LRRC49: variants seen among roughly 807,000 people sequenced by gnomAD.
The protein encoded by LRRC49 is leucine-rich repeat-containing protein 49.
LRRC49 carries 50 observed loss-of-function variants against 83.3 expected under a neutral mutation model. The observed-to-expected ratio is 0.60, with a 90% CI of 0.48 to 0.76. The LOEUF is 0.76. Among genes scored for constraint, LRRC49 ranks in the 30% least tolerant of loss-of-function variants. LRRC49 has a pLI of 0.00. For synonymous variants in LRRC49, 286 were observed against 283.3 expected (o/e 1.01, Z -0.10); for missense variants, 704 against 809.1 (o/e 0.87, Z 1.58).
chr15:71,035,952 C>G (rs771170123), intron 14 of LRRC49, among the ~76,000 whole-genome samples: 3 of 152,162 alleles, frequency 2.0e-5, no homozygotes, highest in Non-Finnish European at 2.9e-5. Flanking sequence ...AATTTACACT[C>G]CCACCAACAG....
chr15:70,891,581 G>A (rs992228421), upstream of LRRC49, among the ~76,000 whole-genome samples: 1 of 45,784 alleles, frequency 2.2e-5, no homozygotes, highest in Non-Finnish European at 4.5e-5. Flanking sequence ...GTGTGTGTGT[G>A]TGTGTGTGTG....
At chr15:70,866,114 G>GTATTTATTTATT (rs71880311) in intron 1 of LRRC49, among the ~76,000 whole-genome samples, 47 of 142,076 alleles carry the variant, frequency 3.3e-4, no homozygotes, top group African/African-American at 5.2e-4. Flanking sequence ...TACATGTAAA[G>GTATTTATTTATT]TATTTATTTA....
intron 8 of LRRC49, among the ~76,000 whole-genome samples, chr15:70,937,713 C>T (rs933902767): frequency 1.3e-5 from 2 of 152,128 alleles, no homozygotes; most frequent in Non-Finnish European, 2.9e-5. Flanking sequence ...ACCCAATCAT[C>T]CTGTACTATG....
At chr15:71,014,287 AG>A (rs974404308) in intron 14 of LRRC49, among the ~76,000 whole-genome samples, 4 of 152,188 alleles carry the variant, frequency 2.6e-5, no homozygotes, top group Admixed American at 2.6e-4. Flanking sequence ...TGTAAGTTAA[AG>A]TTTACTTTCT....
chr15:70,882,964 C>T, intron 2 of LRRC49: 1 of 1,573,184 alleles, frequency 6.4e-7, no homozygotes, highest in South Asian at 1.2e-5. Flanking sequence ...AGGATTTTAT[C>T]TTTCAAAAGT....
chr15:70,975,274 A>G lies in LRRC49; in HGVS notation c.922-4827A>G, dbSNP rs2037165831. On this transcript the variant is annotated intron_variant, in intron 9 of 15. Transcript: ENST00000260382. ...TCACCTGTTTTCACAACTATTCAAA[A>G]AAAGAGAGAACAGACACATGTTGAG... Among the ~76,000 whole-genome samples the G allele has an allele frequency of 3.3e-5, 5 of 152,330 alleles. No individual in the cohort carries two copies. The South Asian group carries it at 8.3e-4, about 25-fold the overall frequency.
In LRRC49 at chr15:70,900,976, G is replaced by C. The variant is rs377602787; in HGVS notation, c.248G>C (p.Arg83Pro). ...TTGTCATCATTTCCTATTCTTCAACGTTCTTCTGAAGAGAAAATTCTTTAC... is the reference window on the plus strand; with the variant it reads ...TTGTCATCATTTCCTATTCTTCAACCTTCTTCTGAAGAGAAAATTCTTTAC... Reference protein sequence around the residue: ...SSLSSFPILQRSSEEKILYSD... With the variant: ...SSLSSFPILQPSSEEKILYSD... Residue 83 changes from arginine to proline, a missense_variant, in exon 4 of 16, where the codon CGT becomes CCT. This residue lies in a region of LRRC49 where 261 missense variants were observed against 330.5 expected (regional missense o/e 0.79). Transcript: ENST00000260382. 5 of 1,610,812 alleles carry C rather than the reference G, an allele frequency of 3.1e-6. No individual in the cohort carries two copies. Among genetic ancestry groups the C allele is most frequent in the Non-Finnish European group, 4.2e-6 (5 of 1,178,286 alleles).
At chr15:71,003,587 C>T (rs1178793343) in intron 11 of LRRC49, among the ~76,000 whole-genome samples, 2 of 152,020 alleles carry the variant, frequency 1.3e-5, no homozygotes, top group Non-Finnish European at 2.9e-5. Flanking sequence ...TTTATTTATT[C>T]TTGAATGTCT....
intron 14 of LRRC49, among the ~76,000 whole-genome samples, chr15:71,019,662 G>T (rs1009038237): frequency 6.6e-6 from 1 of 152,168 alleles, no homozygotes; most frequent in African/African-American, 2.4e-5. Flanking sequence ...TCCAAGGAAG[G>T]TTGCCTTGAT....
intron 7 of LRRC49, among the ~76,000 whole-genome samples, chr15:70,931,363 A>G (rs1204615776): frequency 2.6e-5 from 4 of 152,170 alleles, no homozygotes; most frequent in Non-Finnish European, 5.9e-5. Context: ...GCCCCAAAAC[A>G]ATTGCAATAG....
chr15:70,881,328 T>G (rs189631317), intron 2 of LRRC49: 23 of 152,250 alleles, frequency 1.5e-4, no homozygotes, highest in Non-Finnish European at 3.4e-4. Flanking sequence ...ACAATCATTG[T>G]TCAGGCTCAC....
At chr15:71,039,610 G>A (rs1210095871) in intron 15 of LRRC49, among the ~76,000 whole-genome samples, 2 of 152,154 alleles carry the variant, frequency 1.3e-5, no homozygotes, top group East Asian at 3.9e-4. Flanking sequence ...CATGTAAATA[G>A]TTGTTATACT....
intron 14 of LRRC49, among the ~76,000 whole-genome samples, chr15:71,023,878 C>T (rs1335066434): frequency 6.6e-6 from 1 of 152,142 alleles, no homozygotes; most frequent in Non-Finnish European, 1.5e-5. Flanking sequence ...AACTGAACTC[C>T]TTGAGGGAGG....
chr15:71,051,183 G>A lies in LRRC49; in HGVS notation c.*1571G>A, dbSNP rs1462041892. On this transcript the variant is annotated 3_prime_UTR_variant, in exon 16 of 16. Coordinates refer to ENST00000260382, the MANE Select transcript of LRRC49 (RefSeq NM_017691.5). ...TGGCACTTAGGCCATCAGCTTACTA[G>A]TGTGTAACCTCAGTTTCCTCCTGAT... 6.6e-6 allele frequency: 1 copy of A among 152,226 alleles called. No homozygotes were observed. The highest frequency in any genetic ancestry group is 6.5e-5 in the Admixed American group (1 of 15,276). 9.4% of individuals were successfully genotyped at this position (152,226 alleles called of 1,614,324 possible).
intron 9 of LRRC49, among the ~76,000 whole-genome samples, chr15:70,964,400 C>T (rs1248988898): frequency 1.3e-4 from 19 of 151,974 alleles, no homozygotes; most frequent in Non-Finnish European, 2.6e-4. Context: ...ATAGGTTTGT[C>T]GCGAAGATGA....
intron 8 of LRRC49, among the ~76,000 whole-genome samples, chr15:70,946,661 C>T (rs1277928323): frequency 1.3e-5 from 2 of 151,938 alleles, no homozygotes; most frequent in Admixed American, 1.3e-4. Flanking sequence ...TTTTAGGAAC[C>T]TCCATACTCT....
At chr15:71,041,658 A>G (rs1456026186) in intron 15 of LRRC49, among the ~76,000 whole-genome samples, 2 of 152,192 alleles carry the variant, frequency 1.3e-5, no homozygotes, top group East Asian at 3.8e-4. Context: ...GATAAGAAGA[A>G]TTTCAAGCAA....
chr15:70,893,700 C>A (rs1460667912), intron 2 of LRRC49, 60 bp downstream of exon 2: 1 of 1,274,644 alleles, frequency 7.8e-7, no homozygotes, highest in South Asian at 1.2e-5. Context: ...ACACAAATAG[C>A]AGCATGACTT....
chr15:70,882,589 CTCTG>C, intron 2 of LRRC49: 1 of 1,614,018 alleles, frequency 6.2e-7, no homozygotes, highest in Non-Finnish European at 8.5e-7. Flanking sequence ...ACCACAATTC[CTCTG>C]TCTGAGTAGT....
Sources: allele counts gnomAD v4.1 joint callset (sites outside exome capture counted in the v4.1 genomes callset), GRCh38; gene constraint gnomAD v4.1.1; regional missense constraint gnomAD v4.1.1; transcripts MANE v1.5; gene names NCBI Gene and HGNC (gene_info 2026-07-23, HGNC 2026-07-21).